GRB2: variants seen among roughly 807,000 people sequenced by gnomAD.
GRB2 encodes the protein growth factor receptor-bound protein 2.
In GRB2, 2 loss-of-function variants were observed where a neutral mutation model predicts 27.4. The ratio of observed to expected loss-of-function variants is 0.07; its 90% confidence interval spans 0.03 to 0.23. GRB2 has a LOEUF of 0.23. GRB2 is among the 10% of genes least tolerant of loss of function. The pLI, the probability that GRB2 is intolerant of heterozygous loss-of-function variation, is 1.00. For missense variants in GRB2, 102 were observed against 282.4 expected, an observed-to-expected ratio of 0.36 and a Z score of 4.58; for synonymous variants, 94 against 99.6, an observed-to-expected ratio of 0.94 and a Z score of 0.33.
intron 2 of GRB2, among the ~76,000 whole-genome samples, chr17:75,369,327 G>C (rs2078840669): frequency 6.6e-6 from 1 of 152,184 alleles, no homozygotes; most frequent in African/African-American, 2.4e-5. Context: ...ATGATTTTAA[G>C]CTGGAACAGG....
intron 2 of GRB2, among the ~76,000 whole-genome samples, chr17:75,366,344 T>C (rs1221317888): frequency 6.6e-6 from 1 of 152,108 alleles, no homozygotes; most frequent in Non-Finnish European, 1.5e-5. Context: ...TGGGAAAATG[T>C]TTATTTTTCT....
At chr17:75,382,794 A>C (rs6501787) in intron 2 of GRB2, among the ~76,000 whole-genome samples, 137,949 of 152,146 alleles carry the variant, frequency 0.91, 62,977 homozygotes, top group Non-Finnish European at 0.96. Flanking sequence ...CTGCAAGCTC[A>C]GCCTTCCGGG....
intron 2 of GRB2, among the ~76,000 whole-genome samples, chr17:75,357,383 CGT>C (rs2078740128): frequency 6.6e-6 from 1 of 152,190 alleles, no homozygotes; most frequent in East Asian, 1.9e-4. Context: ...TTAATAATAA[CGT>C]ATCAATATTG....
chr17:75,405,480 C>G lies in GRB2; in HGVS notation c.-138+9G>C. 6.5e-6 allele frequency: 1 copy of G among 153,136 alleles called. No individual in the cohort carries two copies. Among genetic ancestry groups the G allele is most frequent in the South Asian group, 1.8e-4 (1 of 5,422 alleles). The allele number at this position is 153,136 out of a possible 1,614,324, so 9.5% of individuals were successfully genotyped here. On this transcript the variant is annotated intron_variant, in intron 1 of 5. Transcript: ENST00000316804. ...GAGAGAGGCGCCGAGCGCAGCCTCCCGTACTCACCGTGGCGCAGCTGCTCC... is the reference window on the plus strand; with the variant it reads ...GAGAGAGGCGCCGAGCGCAGCCTCCGGTACTCACCGTGGCGCAGCTGCTCC...
chr17:75,338,946 T>TGGC, intron 2 of GRB2: 1 of 1,135,846 alleles, frequency 8.8e-7, no homozygotes, highest in Non-Finnish European at 1.3e-6. Context: ...GAAAGCGGCG[T>TGGC]TATGACAGGA....
chr17:75,338,803 T>C (rs185442867), intron 2 of GRB2: 1 of 738,740 alleles, frequency 1.4e-6, no homozygotes, highest in Admixed American at 1.8e-5. Context: ...ACAAGTCCTT[T>C]CTGTGCTGAT....
intron 2 of GRB2, among the ~76,000 whole-genome samples, chr17:75,378,280 C>T (rs1413062785): frequency 2.0e-5 from 3 of 151,944 alleles, no homozygotes; most frequent in Non-Finnish European, 4.4e-5. Flanking sequence ...ATCCTAGCTA[C>T]TTGGGAGGCT....
chr17:75,354,073 GGCAAATGTTTTGAGTCCTT>G (rs1176345229), intron 2 of GRB2, among the ~76,000 whole-genome samples: 2 of 151,960 alleles, frequency 1.3e-5, no homozygotes, highest in African/African-American at 4.8e-5. Flanking sequence ...GTGCGTGAGG[GGCAAATGTTTTGAGTCCTT>G]GCATGTCTGG....
intron 4 of GRB2, among the ~76,000 whole-genome samples, chr17:75,322,574 T>C (rs1041014044): frequency 6.6e-6 from 1 of 152,168 alleles, no homozygotes; most frequent in African/African-American, 2.4e-5. Context: ...TGTTTTCCAT[T>C]CAGGAATTTT....
At chr17:75,344,881 T>TA (rs1377330170) in intron 2 of GRB2, among the ~76,000 whole-genome samples, 7 of 150,090 alleles carry the variant, frequency 4.7e-5, no homozygotes, top group Non-Finnish European at 1.0e-4. Context: ...GAGCAGCTGT[T>TA]ACTCATGTTT....
intron 1 of GRB2, among the ~76,000 whole-genome samples, chr17:75,399,783 C>T (rs916738142): frequency 1.3e-5 from 2 of 152,068 alleles, no homozygotes; most frequent in Admixed American, 6.6e-5. Context: ...CATTCTCCTG[C>T]CTCAGCCTCC....
intron 2 of GRB2, among the ~76,000 whole-genome samples, chr17:75,353,998 C>G (rs189649234): frequency 7.5e-4 from 114 of 151,424 alleles, no homozygotes; most frequent in African/African-American, 2.7e-3. Context: ...CGAGATCACA[C>G]CACTGTACTC....
chr17:75,380,361 A>AC (rs58630430), intron 2 of GRB2, among the ~76,000 whole-genome samples: 1 of 151,670 alleles, frequency 6.6e-6, no homozygotes, highest in African/African-American at 2.4e-5. Flanking sequence ...AAAAAAAAAA[A>AC]CTATTATAGA....
chr17:75,401,430 C>T (rs1469968789), intron 1 of GRB2, among the ~76,000 whole-genome samples: 3 of 118,432 alleles, frequency 2.5e-5, no homozygotes, highest in South Asian at 2.7e-4. Context: ...CCGGCCTGGG[C>T]GACAGAGCGA....
At chr17:75,398,306 T>C (rs1292433552) in intron 1 of GRB2, among the ~76,000 whole-genome samples, 13 of 152,164 alleles carry the variant, frequency 8.5e-5, no homozygotes, top group Non-Finnish European at 4.4e-5. Flanking sequence ...TCTCACTCTG[T>C]AGCAAAGGCT....
chr17:75,397,928 G>A (rs1055218045), intron 1 of GRB2, among the ~76,000 whole-genome samples: 3 of 151,864 alleles, frequency 2.0e-5, no homozygotes, highest in Non-Finnish European at 4.4e-5. Context: ...TGCAACCTCC[G>A]CCTCCTAGGA....
At chr17:75,376,670 G>A (rs935846870) in intron 2 of GRB2, among the ~76,000 whole-genome samples, 18 of 152,036 alleles carry the variant, frequency 1.2e-4, no homozygotes, top group African/African-American at 3.6e-4. Context: ...GTATGAGGAG[G>A]AGTACCCTTC....
intron 2 of GRB2, among the ~76,000 whole-genome samples, chr17:75,358,373 A>G (rs537785552): frequency 1.3e-5 from 2 of 152,204 alleles, no homozygotes; most frequent in South Asian, 4.1e-4. Flanking sequence ...CTCCTACACT[A>G]TGGGTGGAGT....
chr17:75,376,123 G>T (rs2078891832), intron 2 of GRB2, among the ~76,000 whole-genome samples: 1 of 150,856 alleles, frequency 6.6e-6, no homozygotes, highest in East Asian at 2.0e-4. Context: ...CAGGCGGATT[G>T]GCTGAGCTCA....
Sources: gnomAD v4.1 joint callset for allele counts (sites outside exome capture counted in the v4.1 genomes callset) on GRCh38, gnomAD v4.1.1 for gene constraint, MANE v1.5 for transcripts, NCBI Gene and HGNC (gene_info 2026-07-23, HGNC 2026-07-21) for gene names.